Variants in PITPNC1 observed in about 807,000 individuals in gnomAD.
PITPNC1 encodes the protein cytoplasmic phosphatidylinositol transfer protein 1.
PITPNC1 carries 18 observed loss-of-function variants against 44.7 expected under a neutral mutation model. The observed-to-expected ratio is 0.40, with a 90% confidence interval of 0.28 to 0.60. PITPNC1 has a LOEUF of 0.60. Ranked by LOEUF, PITPNC1 falls within the 20% of genes least tolerant of loss-of-function variation. PITPNC1 has a pLI of 0.39. For missense variants in PITPNC1, 290 were observed against 418.4 expected (o/e 0.69, Z 2.68); for synonymous variants, 141 against 149.6 (o/e 0.94, Z 0.42).
chr17:67,533,817 C>G (rs1322216856), intron 2 of PITPNC1, among the ~76,000 whole-genome samples: 1 of 152,208 alleles, frequency 6.6e-6, no homozygotes, highest in Admixed American at 6.5e-5. Flanking sequence ...CAAAATAGCA[C>G]TAGTCAAGCG....
intron 1 of PITPNC1, among the ~76,000 whole-genome samples, chr17:67,380,146 C>T (rs2037936269): frequency 6.6e-6 from 1 of 151,286 alleles, no homozygotes; most frequent in South Asian, 2.1e-4. Flanking sequence ...GAGATCTCGG[C>T]TCACTGCAAC....
At chr17:67,441,258 G>C (rs1303639353) in intron 1 of PITPNC1, among the ~76,000 whole-genome samples, 3 of 151,388 alleles carry the variant, frequency 2.0e-5, no homozygotes, top group Non-Finnish European at 2.9e-5. Context: ...GTTAGGTCTC[G>C]CAGGCTTGTA....
chr17:67,441,764 T>G (rs926245311), intron 1 of PITPNC1, among the ~76,000 whole-genome samples: 1 of 152,154 alleles, frequency 6.6e-6, no homozygotes, highest in African/African-American at 2.4e-5. Context: ...TAATAGTTGT[T>G]ACTTTTTGAA....
At chr17:67,675,869 G>A (rs921661450) in intron 8 of PITPNC1, among the ~76,000 whole-genome samples, 2 of 152,154 alleles carry the variant, frequency 1.3e-5, no homozygotes, top group Non-Finnish European at 2.9e-5. Context: ...GCTGTCTGAA[G>A]CATCCTGTCA....
At chr17:67,386,485 G>A (rs1410295332) in intron 1 of PITPNC1, among the ~76,000 whole-genome samples, 1 of 152,288 alleles carries the variant, frequency 6.6e-6, no homozygotes, top group African/African-American at 2.4e-5. Context: ...GAGCCACTGC[G>A]CCCCGCCTAA....
intron 1 of PITPNC1, among the ~76,000 whole-genome samples, chr17:67,411,652 C>G (rs2038499268): frequency 6.6e-6 from 1 of 152,038 alleles, no homozygotes. Flanking sequence ...GACCAGAAGG[C>G]AACTTGGTGT....
intron 1 of PITPNC1, among the ~76,000 whole-genome samples, chr17:67,474,575 C>T (rs574261283): frequency 2.0e-5 from 3 of 152,228 alleles, no homozygotes; most frequent in Non-Finnish European, 2.9e-5. Context: ...GTCAAATGTG[C>T]CCTGGGGAGC....
In PITPNC1 at chr17:67,567,418, AGCGT is replaced by A. The variant is rs912121278; in HGVS notation, c.295-10765_295-10762del. Among the ~76,000 whole-genome samples the A allele has an allele frequency of 1.6e-4, 25 of 152,142 alleles. No individual in the cohort carries two copies. In the South Asian group the frequency reaches 3.3e-3, roughly 20 times the overall value. ...AGAATGGCATGAACCTGGGAGGCAGAGCGTGCAGTGAGCCAAAATTGCGCCACTG... is the reference window on the plus strand; with the variant it reads ...AGAATGGCATGAACCTGGGAGGCAGAGCAGTGAGCCAAAATTGCGCCACTG... On this transcript the variant is annotated intron_variant, in intron 4 of 8. Coordinates refer to ENST00000581322, the MANE Select transcript of PITPNC1 (RefSeq NM_012417.4).
chr17:67,617,934 G>A (rs1011443160), intron 5 of PITPNC1, among the ~76,000 whole-genome samples: 1 of 152,062 alleles, frequency 6.6e-6, no homozygotes, highest in Non-Finnish European at 1.5e-5. Flanking sequence ...ACATTCTGAG[G>A]TTCCTGGGAG....
intron 6 of PITPNC1, chr17:67,637,989 A>G (rs1043249565): frequency 6.6e-6 from 1 of 152,066 alleles, no homozygotes; most frequent in Non-Finnish European, 1.5e-5. Flanking sequence ...GCACCATGTC[A>G]CATGTAAAAT....
intron 1 of PITPNC1, among the ~76,000 whole-genome samples, chr17:67,513,192 C>T (rs1209256633): frequency 6.6e-6 from 1 of 151,912 alleles, no homozygotes; most frequent in Non-Finnish European, 1.5e-5. Flanking sequence ...GGCGAAACCC[C>T]ATCTCTACTA....
At chr17:67,543,700 C>T (rs1168653143) in intron 2 of PITPNC1, among the ~76,000 whole-genome samples, 1 of 152,182 alleles carries the variant, frequency 6.6e-6, no homozygotes, top group Admixed American at 6.5e-5. Flanking sequence ...ACATGCCTCT[C>T]ATTTCCCAGA....
At chr17:67,385,683 C>T (rs1299107992) in intron 1 of PITPNC1, among the ~76,000 whole-genome samples, 1 of 152,172 alleles carries the variant, frequency 6.6e-6, no homozygotes. Flanking sequence ...AAGGAACCAT[C>T]TCCGGACACA....
intron 1 of PITPNC1, among the ~76,000 whole-genome samples, chr17:67,452,518 T>G (rs1206619967): frequency 6.8e-6 from 1 of 148,078 alleles, no homozygotes; most frequent in Admixed American, 6.7e-5. Context: ...TTGCTGGGGT[T>G]TTTTTTTTTT....
intron 8 of PITPNC1, among the ~76,000 whole-genome samples, chr17:67,690,462 AAG>A (rs2042902974): frequency 6.8e-6 from 1 of 147,016 alleles, no homozygotes; most frequent in African/African-American, 2.5e-5. Flanking sequence ...AAAAAAAAAA[AAG>A]AAAAAGAAAA....
At chr17:67,625,994 TG>T (rs1290290300) in intron 5 of PITPNC1, among the ~76,000 whole-genome samples, 1 of 151,766 alleles carries the variant, frequency 6.6e-6, no homozygotes, top group Non-Finnish European at 1.5e-5. Flanking sequence ...TTTTTGGTTT[TG>T]GTTTTTTTTG....
intron 1 of PITPNC1, among the ~76,000 whole-genome samples, chr17:67,466,561 C>CTT (rs1598704353): frequency 6.6e-6 from 1 of 152,184 alleles, no homozygotes; most frequent in Non-Finnish European, 1.5e-5. Flanking sequence ...TCTAACTCAT[C>CTT]CCTTTTAACA....
At chr17:67,565,984 CTTTT>C (rs1023332210) in intron 4 of PITPNC1, among the ~76,000 whole-genome samples, 5 of 150,422 alleles carry the variant, frequency 3.3e-5, no homozygotes, top group African/African-American at 1.2e-4. Flanking sequence ...AGTCTACTTT[CTTTT>C]TGTTTTTACA....
chr17:67,574,772 T>C (rs1286012664), intron 4 of PITPNC1, among the ~76,000 whole-genome samples: 2 of 151,654 alleles, frequency 1.3e-5, no homozygotes, highest in African/African-American at 4.8e-5. Context: ...TGAGAACGAG[T>C]CATCAGACAT....
Sources: gnomAD v4.1 joint callset for allele counts (sites outside exome capture counted in the v4.1 genomes callset) on GRCh38, gnomAD v4.1.1 for gene constraint, MANE v1.5 for transcripts, NCBI Gene and HGNC (gene_info 2026-07-23, HGNC 2026-07-21) for gene names.